Variants in GNE observed in about 807,000 individuals in gnomAD.
GNE encodes glucosamine (UDP-N-acetyl)-2-epimerase/N-acetylmannosamine kinase, also known as bifunctional UDP-N-acetylglucosamine 2-epimerase/N-acetylmannosamine kinase.
In GNE, 41 loss-of-function variants were observed where a neutral mutation model predicts 61.8. The observed-to-expected ratio is 0.66, with a 90% CI of 0.52 to 0.86. The LOEUF is 0.86. Ranked by LOEUF, GNE falls within the 40% of genes least tolerant of loss-of-function variation. The pLI, the probability that GNE is intolerant of heterozygous loss-of-function variation, is 0.00. For synonymous variants in GNE, 264 were observed against 326.4 expected (o/e 0.81, Z 2.06); for missense variants, 608 against 909.1 (o/e 0.67, Z 4.26).
chr9:36,258,283 TGCTCTCCCGGAGTCCCACGCC>T lies in GNE; in HGVS notation c.-43+17_-43+37del. 1.0e-6 allele frequency: 1 copy of T among 979,152 alleles called. No individual in the cohort carries two copies. The highest frequency in any genetic ancestry group is 1.2e-6 in the Non-Finnish European group (1 of 824,266). 60.7% of individuals were successfully genotyped at this position (979,152 alleles called of 1,614,324 possible). A position where few individuals can be genotyped will look rare whatever the true frequency, so the allele number is the denominator to read the frequency against. Reference sequence around the variant, plus strand: ...GAGGCGGCCCTGGGGGTGGGCAGGATGCTCTCCCGGAGTCCCACGCCGCCGCGCGGCTCTCACCAGACGCCG... The same window carrying T: ...GAGGCGGCCCTGGGGGTGGGCAGGATGCCGCGCGGCTCTCACCAGACGCCG... On this transcript the variant is annotated intron_variant, in intron 1 of 11. Coordinates refer to ENST00000642385, the MANE Select transcript of GNE (RefSeq NM_005476.7).
chr9:36,240,097 A>G (rs1228297364), intron 3 of GNE, among the ~76,000 whole-genome samples: 1 of 152,072 alleles, frequency 6.6e-6, no homozygotes, highest in Non-Finnish European at 1.5e-5. Context: ...GTAAATAATC[A>G]TATTGTCAGC....
Position 36,246,304 on chromosome 9 carries a change from C to T in GNE, c.343G>A (p.Asp115Asn), listed in dbSNP as rs1563946754. 6.2e-7 allele frequency: 1 copy of T among 1,614,212 alleles called. No individual in the cohort carries two copies. Among genetic ancestry groups the T allele is most frequent in the Non-Finnish European group, 8.5e-7 (1 of 1,180,038 alleles). ...DIMIVHGDRF[D>N]ALALATSAAL... ...GCAGATGTGGCCAGAGCCAGGGCATCAAACCTGTCTCCATGAACAATCATG... is the reference window on the plus strand; with the variant it reads ...GCAGATGTGGCCAGAGCCAGGGCATTAAACCTGTCTCCATGAACAATCATG... Residue 115 changes from aspartate to asparagine, a missense_variant, in exon 3 of 12, where the codon GAT becomes AAT. Physicochemically the swap from Asp to Asn is conservative, Grantham distance 23 (BLOSUM62 1). Coordinates refer to ENST00000642385, the MANE Select transcript of GNE (RefSeq NM_005476.7).
At chr9:36,276,759 A>G (rs1831275884) in intron 1 of GNE, 1 of 694,088 alleles carries the variant, frequency 1.4e-6, no homozygotes, top group Non-Finnish European at 2.4e-6. Flanking sequence ...GCAGTAAAAA[A>G]GTCTTTAAAA....
chr9:36,276,135 T>C (rs888023430), intron 1 of GNE, among the ~76,000 whole-genome samples: 4 of 152,078 alleles, frequency 2.6e-5, no homozygotes, highest in African/African-American at 9.7e-5. Context: ...ATTATGCCAC[T>C]ACAATCCAGC....
chr9:36,268,414 C>T (rs893803538), intron 1 of GNE, among the ~76,000 whole-genome samples: 2 of 152,142 alleles, frequency 1.3e-5, no homozygotes, highest in Non-Finnish European at 2.9e-5. Flanking sequence ...ACCTATAATC[C>T]TAGCACTTTA....
chr9:36,269,952 G>A (rs748961440), intron 1 of GNE, among the ~76,000 whole-genome samples: 142 of 151,908 alleles, frequency 9.3e-4, no homozygotes, highest in Non-Finnish European at 1.6e-3. Flanking sequence ...GTGAGCCACC[G>A]CGCCCGGCCG....
chr9:36,268,396 T>C (rs962345749), intron 1 of GNE, among the ~76,000 whole-genome samples: 7 of 152,194 alleles, frequency 4.6e-5, no homozygotes, highest in African/African-American at 1.4e-4. Flanking sequence ...CTGGGTGTGG[T>C]GGTTCATACC....
chr9:36,233,168 A>ATTAAC (rs1563937741), intron 5 of GNE, among the ~76,000 whole-genome samples: 2 of 152,228 alleles, frequency 1.3e-5, no homozygotes. Flanking sequence ...AACTAATGTT[A>ATTAAC]ATAACAGGAC....
chr9:36,259,425 C>T (rs1830535317), upstream of GNE, among the ~76,000 whole-genome samples: 1 of 152,130 alleles, frequency 6.6e-6, no homozygotes, highest in African/African-American at 2.4e-5. Context: ...AAATTTACCA[C>T]AGGTGAAACT....
chr9:36,244,157 TCTTG>T (rs1387022858), intron 3 of GNE, among the ~76,000 whole-genome samples: 50 of 152,084 alleles, frequency 3.3e-4, no homozygotes, highest in African/African-American at 1.1e-3. Flanking sequence ...AGAGACAGCG[TCTTG>T]CTATGTTGCC....
intron 9 of GNE, among the ~76,000 whole-genome samples, chr9:36,222,279 C>A (rs1358219316): frequency 1.3e-5 from 2 of 151,680 alleles, no homozygotes; most frequent in Non-Finnish European, 1.5e-5. Context: ...ATTAGCCGGG[C>A]GTAGTGGCGG....
upstream of GNE, among the ~76,000 whole-genome samples, chr9:36,262,833 ATTATT>A (rs1398472797): frequency 5.3e-5 from 8 of 152,188 alleles, no homozygotes; most frequent in African/African-American, 1.4e-4. Flanking sequence ...TGGTGATTTA[ATTATT>A]TTAAAGTACT....
intron 1 of GNE, among the ~76,000 whole-genome samples, chr9:36,253,329 G>A (rs989840093): frequency 2.0e-5 from 3 of 150,298 alleles, no homozygotes; most frequent in African/African-American, 4.9e-5. Context: ...AGGCTAGAGT[G>A]CAGTGACATG....
intron 1 of GNE, among the ~76,000 whole-genome samples, chr9:36,273,660 CTT>C (rs11307863): frequency 5.9e-4 from 82 of 139,470 alleles, no homozygotes; most frequent in Middle Eastern, 3.8e-3. Context: ...ATTTGGAACT[CTT>C]TTTTTTTTTT....
intron 7 of GNE, among the ~76,000 whole-genome samples, chr9:36,225,920 C>T (rs1443598650): frequency 2.0e-5 from 3 of 152,122 alleles, no homozygotes; most frequent in Non-Finnish European, 4.4e-5. Flanking sequence ...TTAACCAGTC[C>T]AGGGTGGGAG....
intron 3 of GNE, among the ~76,000 whole-genome samples, chr9:36,240,237 C>G (rs1007306692): frequency 6.6e-6 from 1 of 152,138 alleles, no homozygotes; most frequent in Non-Finnish European, 1.5e-5. Context: ...TTGTCTTGTT[C>G]CAATTCTCAG....
chr9:36,249,095 A>G, intron 2 of GNE, 97 bp downstream of exon 2: 1 of 931,046 alleles, frequency 1.1e-6, no homozygotes. Context: ...ACTAAGCAGC[A>G]GAACAGGAAT....
chr9:36,218,131 T>A lies in GNE; in HGVS notation c.1933+52A>T. The A allele has an allele frequency of 1.6e-6, 2 of 1,216,462 alleles. No homozygotes were observed. The highest frequency in any genetic ancestry group is 2.4e-6 in the Non-Finnish European group (2 of 816,654). 75.4% of individuals were successfully genotyped at this position (1,216,462 alleles called of 1,614,324 possible). On this transcript the variant is annotated intron_variant, in intron 11 of 11. Coordinates refer to ENST00000642385, the MANE Select transcript of GNE (RefSeq NM_005476.7). This position sits in a 1 kb window ranked among gnomAD's most constrained non-coding sequence, Gnocchi z 4.1. ...TCTTCTGGGGCCGGGCTGGGCCATA[T>A]GATATCTGAGGCCACCCCCTGCAGC...
In GNE at chr9:36,227,368, GA is replaced by G. The variant is rs1563933315; in HGVS notation, c.1160del (p.Phe387SerfsTer6). 1 of 1,611,672 alleles carries G rather than the reference GA, an allele frequency of 6.2e-7. No individual in the cohort carries two copies. The highest frequency in any genetic ancestry group is 8.5e-7 in the Non-Finnish European group (1 of 1,177,718). On this transcript the variant is annotated frameshift_variant, in exon 7 of 12. Transcript: ENST00000642385. LOFTEE classifies it high-confidence loss of function. ...TATTCTCCTTCACAGGAGGAAAGCA[GA>G]ATTTCTTTTGCAGTGGCTCTTGAAG... ...IDLQEPLQKK[F>X]CFPPVKENIS...
Sources: gnomAD v4.1 joint callset for allele counts (sites outside exome capture counted in the v4.1 genomes callset) on GRCh38, gnomAD v4.1.1 for gene constraint, Gnocchi (gnomAD v3.1) non-coding constraint, MANE v1.5 for transcripts, NCBI Gene and HGNC (gene_info 2026-07-23, HGNC 2026-07-21) for gene names.